Variants in ZFP3 observed in about 807,000 individuals in gnomAD.
ZFP3 encodes the protein zinc finger protein 3 homolog.
Under a neutral mutation model 36.7 loss-of-function variants are expected in ZFP3, and 18 were observed. The observed-to-expected ratio is 0.49, with a 90% CI of 0.34 to 0.73. The LOEUF (loss-of-function observed/expected upper bound fraction) is 0.73, where lower values mean the gene tolerates loss of function less well. Ranked by LOEUF, ZFP3 falls within the 30% of genes least tolerant of loss-of-function variation. The pLI is 0.01. For missense variants in ZFP3, 495 were observed against 599.0 expected (o/e 0.83, Z 1.81); for synonymous variants, 218 against 199.0 (o/e 1.10, Z -0.81).
chr17:5,081,659 T>C (rs1351304210), intron 1 of ZFP3, among the ~76,000 whole-genome samples: 3 of 151,682 alleles, frequency 2.0e-5, no homozygotes, highest in Non-Finnish European at 2.9e-5. Flanking sequence ...TGGAGTGCAG[T>C]GGTGCGATCT....
chr17:5,089,809 C>T (rs1255328823), intron 1 of ZFP3, among the ~76,000 whole-genome samples: 16 of 152,086 alleles, frequency 1.1e-4, no homozygotes, highest in Admixed American at 8.5e-4. Flanking sequence ...ACACATGCCA[C>T]TGCCCCTGGC....
chr17:5,081,823 G>A (rs1308370486), intron 1 of ZFP3, among the ~76,000 whole-genome samples: 3 of 150,488 alleles, frequency 2.0e-5, no homozygotes, highest in East Asian at 2.0e-4. Context: ...GGATGGTCTC[G>A]ATCTCCTGAC....
At position 5,093,104 on chromosome 17, in the gene ZFP3, A is replaced by T. The variant is rs2072159584; in HGVS notation, c.*91A>T. ...GCAAATATGCACCCCAAGTATTCAA[A>T]TCCAATGAATGGACAGAACCTCCTC... On this transcript the variant is annotated 3_prime_UTR_variant, in exon 2 of 2. Coordinates refer to ENST00000318833, the MANE Select transcript of ZFP3 (RefSeq NM_153018.3). 1 of 1,320,748 alleles carries T rather than the reference A, an allele frequency of 7.6e-7. No individual in the cohort carries two copies. Among genetic ancestry groups the T allele is most frequent in the Non-Finnish European group, 1.0e-6 (1 of 972,600 alleles). The allele number at this position is 1,320,748 out of a possible 1,614,324, so 81.8% of individuals were successfully genotyped here. A position where few individuals can be genotyped will look rare whatever the true frequency, so the allele number is the denominator to read the frequency against.
rs538691501 is a variant in ZFP3, at chr17:5,095,947, C to T, written c.*2934C>T. ...CAGAAAAGTCTACCATATATAGATA[C>T]ATATTCCCCGCCCCGCCCCAGATTT... is the stretch of plus-strand genomic sequence containing the variant. On this transcript the variant is annotated 3_prime_UTR_variant, in exon 2 of 2. Coordinates refer to ENST00000318833, the MANE Select transcript of ZFP3 (RefSeq NM_153018.3). 2 of 167,098 alleles carry T rather than the reference C, an allele frequency of 1.2e-5. No homozygotes were observed. Among genetic ancestry groups the T allele is most frequent in the South Asian group, 2.1e-4 (1 of 4,830 alleles). The allele number at this position is 167,098 out of a possible 1,614,324, so 10.4% of individuals were successfully genotyped here.
In ZFP3 at chr17:5,089,413, T is replaced by C. The variant is rs146291433; in HGVS notation, c.-8-2084T>C. Among the ~76,000 whole-genome samples, 62 of 152,344 alleles carry C rather than the reference T, an allele frequency of 4.1e-4. 2 individuals carry two copies. Among genetic ancestry groups the C allele is most frequent in the African/African-American group, 1.4e-3 (59 of 41,570 alleles). On this transcript the variant is annotated intron_variant, in intron 1 of 1. Coordinates refer to ENST00000318833, the MANE Select transcript of ZFP3 (RefSeq NM_153018.3). ...CCTCATCCTTTAGGAGATTTCCTAGTAGTCCCATGTGGTTTCATTTGCATC... is the reference window on the plus strand; with the variant it reads ...CCTCATCCTTTAGGAGATTTCCTAGCAGTCCCATGTGGTTTCATTTGCATC...
intron 1 of ZFP3, among the ~76,000 whole-genome samples, chr17:5,086,724 CTTTTTTTTTTT>C (rs5819008): frequency 3.6e-5 from 4 of 110,660 alleles, no homozygotes; most frequent in Admixed American, 9.5e-5. Context: ...CATTTTCTTT[CTTTTTTTTTTT>C]TTTTTTTTTT....
chr17:5,080,753 C>G (rs1363602963), intron 1 of ZFP3, among the ~76,000 whole-genome samples: 1 of 152,088 alleles, frequency 6.6e-6, no homozygotes, highest in Admixed American at 6.6e-5. Flanking sequence ...CCATCCGTAT[C>G]TCACTTAGTC....
chr17:5,091,926 A>G lies in ZFP3; in HGVS notation c.422A>G (p.His141Arg). ...TQRSSVGEKP[H>R]TCKECGKAFN... ...AGAAGTTCTGTGGGAGAAAAGCCTC[A>G]TACATGTAAAGAATGTGGGAAAGCC... is the stretch of plus-strand genomic sequence containing the variant. Residue 141 changes from histidine (H) to arginine (R), a missense_variant, in exon 2 of 2, where the codon CAT becomes CGT. His to Arg is a conservative substitution (Grantham distance 29, BLOSUM62 0). Around this residue, in one of 3 missense-constraint regions of ZFP3, gnomAD observed 229 missense variants for 233.8 expected, o/e 0.98. Transcript: ENST00000318833. 6.2e-7 allele frequency: 1 copy of G among 1,614,258 alleles called. No individual in the cohort carries two copies. The highest frequency in any genetic ancestry group is 2.2e-5 in the East Asian group (1 of 44,886).
At chr17:5,086,505 A>C (rs191042625) in intron 1 of ZFP3, among the ~76,000 whole-genome samples, 1 of 151,656 alleles carries the variant, frequency 6.6e-6, no homozygotes, top group Non-Finnish European at 1.5e-5. Flanking sequence ...ATTCCTTCTA[A>C]TATAAACATG....
chr17:5,086,724 C>CTTTTTT (rs5819008), intron 1 of ZFP3, among the ~76,000 whole-genome samples: 22 of 110,670 alleles, frequency 2.0e-4, no homozygotes, highest in Non-Finnish European at 2.9e-4. Flanking sequence ...CATTTTCTTT[C>CTTTTTT]TTTTTTTTTT....
At chr17:5,079,638 A>C (rs758679877) in intron 1 of ZFP3, among the ~76,000 whole-genome samples, 1 of 152,240 alleles carries the variant, frequency 6.6e-6, no homozygotes, top group Non-Finnish European at 1.5e-5. Context: ...ATCCTTGCTT[A>C]TGGTCTAGAG....
intron 1 of ZFP3, among the ~76,000 whole-genome samples, chr17:5,086,249 G>C (rs1379994943): frequency 6.6e-6 from 1 of 152,166 alleles, no homozygotes; most frequent in African/African-American, 2.4e-5. Flanking sequence ...TGTCTGGGGA[G>C]GGGGGCATTA....
At chr17:5,089,860 G>A (rs1361493537) in intron 1 of ZFP3, among the ~76,000 whole-genome samples, 2 of 152,038 alleles carry the variant, frequency 1.3e-5, no homozygotes, top group Non-Finnish European at 1.5e-5. Flanking sequence ...ATCTCCCTAT[G>A]TTACCTAGGC....
At position 5,093,623 on chromosome 17, in the gene ZFP3, G is replaced by A. The variant is rs1045711206; in HGVS notation, c.*610G>A. On this transcript the variant is annotated 3_prime_UTR_variant, in exon 2 of 2. Coordinates refer to ENST00000318833, the MANE Select transcript of ZFP3 (RefSeq NM_153018.3). ...GACACACCTCATTCTCCTGTCCACT[G>A]TTTAGCATTGGAATAATTTAGTAAG... 1 of 166,542 alleles carries A rather than the reference G, an allele frequency of 6.0e-6. No individual in the cohort carries two copies. The highest frequency in any genetic ancestry group is 2.4e-5 in the African/African-American group (1 of 41,232). The allele number at this position is 166,542 out of a possible 1,614,324, so 10.3% of individuals were successfully genotyped here. A position where few individuals can be genotyped will look rare whatever the true frequency, so the allele number is the denominator to read the frequency against.
rs776510613 is a variant in ZFP3, at chr17:5,095,364, G to A, written c.*2351G>A. 5.4e-5 allele frequency: 9 copies of A among 166,996 alleles called. No homozygotes were observed. Among genetic ancestry groups the A allele is most frequent in the Non-Finnish European group, 8.8e-5 (6 of 68,110 alleles). 10.3% of individuals were successfully genotyped at this position (166,996 alleles called of 1,614,324 possible). Reference sequence around the variant, plus strand: ...AGGTTGATTACAAGTGAAGTGCGCCGTCTTATTCCTTTTTCATTGCTGGAG... The same window carrying A: ...AGGTTGATTACAAGTGAAGTGCGCCATCTTATTCCTTTTTCATTGCTGGAG... On this transcript the variant is annotated 3_prime_UTR_variant, in exon 2 of 2. Coordinates refer to ENST00000318833, the MANE Select transcript of ZFP3 (RefSeq NM_153018.3).
Position 5,092,918 on chromosome 17 carries a change from A to G in ZFP3, c.1414A>G (p.Thr472Ala). ...SQLIIHQRIH[T>A]GEKPYECQEC... Reference sequence around the variant, plus strand: ...ACTTATCATACATCAGAGAATTCACACTGGAGAGAAGCCTTATGAGTGCCA... The same window carrying G: ...ACTTATCATACATCAGAGAATTCACGCTGGAGAGAAGCCTTATGAGTGCCA... Residue 472 changes from threonine to alanine, a missense_variant, in exon 2 of 2, where the codon ACT becomes GCT. This residue lies in a region of ZFP3 where 163 missense variants were observed against 178.4 expected (regional missense o/e 0.91). Transcript: ENST00000318833. This position sits in a 1 kb window ranked among gnomAD's most constrained non-coding sequence, Gnocchi z 5.0. 1 of 1,614,224 alleles carries G rather than the reference A, an allele frequency of 6.2e-7. No individual in the cohort carries two copies. Among genetic ancestry groups the G allele is most frequent in the Non-Finnish European group, 8.5e-7 (1 of 1,180,044 alleles).
intron 1 of ZFP3, among the ~76,000 whole-genome samples, chr17:5,082,048 C>A (rs1406777819): frequency 1.3e-5 from 2 of 148,956 alleles, no homozygotes; most frequent in African/African-American, 4.9e-5. Flanking sequence ...CCCGCCTCTA[C>A]TAAAAATACA....
intron 1 of ZFP3, among the ~76,000 whole-genome samples, chr17:5,089,663 C>A (rs2072139623): frequency 6.6e-6 from 1 of 152,080 alleles, no homozygotes; most frequent in Admixed American, 6.6e-5. Flanking sequence ...CCCACCCACC[C>A]CTGCCCAAGA....
In ZFP3 at chr17:5,078,492, A is replaced by T. The variant is rs2072076162; in HGVS notation, c.-92A>T. On this transcript the variant is annotated 5_prime_UTR_variant, in exon 1 of 2. Coordinates refer to ENST00000318833, the MANE Select transcript of ZFP3 (RefSeq NM_153018.3). This position sits in a 1 kb window ranked among gnomAD's most constrained non-coding sequence, Gnocchi z 4.5. ...GATGCCCGTCGCCAGTGACACCGGG[A>T]CAACAGCTGCGGGCTCTGTGCGAGC... 1 of 152,312 alleles carries T rather than the reference A, an allele frequency of 6.6e-6. No individual in the cohort carries two copies. The highest frequency in any genetic ancestry group is 2.4e-5 in the African/African-American group (1 of 41,458). The allele number at this position is 152,312 out of a possible 1,614,324, so 9.4% of individuals were successfully genotyped here. A position where few individuals can be genotyped will look rare whatever the true frequency, so the allele number is the denominator to read the frequency against.
Sources: gnomAD v4.1 joint callset for allele counts (sites outside exome capture counted in the v4.1 genomes callset) on GRCh38, gnomAD v4.1.1 for gene constraint, gnomAD v4.1.1 regional missense constraint, Gnocchi (gnomAD v3.1) non-coding constraint, MANE v1.5 for transcripts, NCBI Gene and HGNC (gene_info 2026-07-23, HGNC 2026-07-21) for gene names.